CKS2: variants seen among roughly 807,000 people sequenced by gnomAD.
CKS2 encodes cyclin-dependent kinases regulatory subunit 2.
In CKS2, 4 loss-of-function variants were observed where a neutral mutation model predicts 14.3. The ratio of observed to expected loss-of-function variants is 0.28; its 90% confidence interval spans 0.14 to 0.64. The LOEUF (loss-of-function observed/expected upper bound fraction) is 0.64, where lower values mean the gene tolerates loss of function less well. Among genes scored for constraint, CKS2 ranks in the 30% least tolerant of loss-of-function variants. The pLI is 0.83. For missense variants in CKS2, 71 were observed against 94.3 expected (o/e 0.75, Z 1.02); for synonymous variants, 33 against 28.7 (o/e 1.15, Z -0.48).
intron 1 of CKS2, among the ~76,000 whole-genome samples, chr9:89,314,159 G>A (rs1418470250): frequency 6.6e-6 from 1 of 152,192 alleles, no homozygotes; most frequent in East Asian, 1.9e-4. Flanking sequence ...GTATAAAACT[G>A]TTGCTACTAC....
chr9:89,311,275 C>T lies in CKS2; in HGVS notation c.-18C>T. On this transcript the variant is annotated 5_prime_UTR_variant, in exon 1 of 3. Transcript: ENST00000314355. ...GCTCTTCGCGCTCTCGTTTCATTTT[C>T]TGCAGCGCGCCAGCAGGATGGCCCA... 1.2e-6 allele frequency: 2 copies of T among 1,608,932 alleles called. No individual in the cohort carries two copies. The highest frequency in any genetic ancestry group is 1.7e-6 in the Non-Finnish European group (2 of 1,177,536).
At chr9:89,316,324 A>G in intron 2 of CKS2, 49 bp from the exon 3 acceptor site, 1 of 1,156,058 alleles carries the variant, frequency 8.7e-7, no homozygotes, top group Non-Finnish European at 1.3e-6. Context: ...ATTTCTGTTG[A>G]GTATATGAAA....
chr9:89,311,418 G>A, intron 1 of CKS2, 67 bp downstream of exon 1: 4 of 1,310,652 alleles, frequency 3.1e-6, no homozygotes, highest in Admixed American at 2.3e-5. Flanking sequence ...GGGCGACCCA[G>A]GCATAGTAGG....
intron 2 of CKS2, among the ~76,000 whole-genome samples, chr9:89,315,738 T>A (rs1331482270): frequency 6.6e-6 from 1 of 152,130 alleles, no homozygotes; most frequent in African/African-American, 2.4e-5. Context: ...TCAACTGTGC[T>A]TATGGGTACC....
rs377660295 is a variant in CKS2 at position 89,313,080 on chromosome 9, A to T, written c.59+1729A>T. ...TCCAATAAAAATTAGAGCTGGTATT[A>T]ATTGGCCAAGCCAGTAACCTTTATG... is the stretch of plus-strand genomic sequence containing the variant. On this transcript the variant is annotated intron_variant, in intron 1 of 2. Transcript: ENST00000314355. 8.5e-5 allele frequency among the ~76,000 whole-genome samples: 13 copies of T among 152,340 alleles called. No homozygotes were observed. In the South Asian group the frequency reaches 2.7e-3, roughly 32 times the overall value.
rs1824727277 is a variant in CKS2 at position 89,316,689 on chromosome 9, T to A, written c.*264T>A. The A allele has an allele frequency of 5.9e-6, 2 of 341,722 alleles. No individual in the cohort carries two copies. Among genetic ancestry groups the A allele is most frequent in the Non-Finnish European group, 1.1e-5 (2 of 188,802 alleles). The allele number at this position is 341,722 out of a possible 1,614,324, so 21.2% of individuals were successfully genotyped here. On this transcript the variant is annotated 3_prime_UTR_variant, in exon 3 of 3. Transcript: ENST00000314355. ...CAGTTTACTTTTGTTCAATAAAGTT[T>A]GTATGTTGCATTTATCACTGTTTCA...
chr9:89,311,304 G>A lies in CKS2; in HGVS notation c.12G>A (p.Lys4=), dbSNP rs935594172. The change falls in exon 1 of 3, where the codon AAG becomes AAA. Residue 4 remains lysine, a synonymous_variant. Transcript: ENST00000314355. ...AGCGCGCCAGCAGGATGGCCCACAA[G>A]CAGATCTACTACTCGGACAAGTACT... MAH[K]QIYYSDKYFD... is the part of the protein sequence containing the mutation. 6.2e-7 allele frequency: 1 copy of A among 1,611,058 alleles called. No homozygotes were observed. The highest frequency in any genetic ancestry group is 8.5e-7 in the Non-Finnish European group (1 of 1,178,888).
intron 1 of CKS2, among the ~76,000 whole-genome samples, chr9:89,312,011 G>A (rs1369210054): frequency 6.6e-6 from 1 of 152,046 alleles, no homozygotes; most frequent in Non-Finnish European, 1.5e-5. Context: ...TACTGGGTAT[G>A]GTGATTTGGG....
chr9:89,315,078 A>G (rs1382237990), intron 1 of CKS2, 92 bp from the exon 2 acceptor site: 4 of 1,134,752 alleles, frequency 3.5e-6, no homozygotes, highest in East Asian at 5.3e-5. Context: ...GCAGTTCTCA[A>G]TATTAAAGCA....
intron 1 of CKS2, among the ~76,000 whole-genome samples, chr9:89,314,598 A>G (rs1231157104): frequency 6.6e-6 from 1 of 152,176 alleles, no homozygotes; most frequent in Non-Finnish European, 1.5e-5. Context: ...ACCCAAATTA[A>G]CTGTAACTTA....
chr9:89,315,112 A>G (rs1824683317), intron 1 of CKS2, 58 bp from the exon 2 acceptor site: 1 of 1,500,782 alleles, frequency 6.7e-7, no homozygotes, highest in Non-Finnish European at 9.0e-7. Context: ...AGGTACATGT[A>G]TAAAGCGACA....
rs1274575736 is a variant in CKS2 at position 89,313,448 on chromosome 9, A to G, written c.60-1722A>G. On this transcript the variant is annotated intron_variant, in intron 1 of 2. Transcript: ENST00000314355. ...CTTACAAATTAGTAATACTTGCACT[A>G]TTTTGCATTTCAACTGAAATAAACG... Among the ~76,000 whole-genome samples the G allele has an allele frequency of 2.0e-5, 3 of 152,234 alleles. No homozygotes were observed. In the East Asian group the frequency reaches 5.8e-4, roughly 29 times the overall value.
intron 1 of CKS2, among the ~76,000 whole-genome samples, chr9:89,311,703 C>G (rs748082355): frequency 6.6e-6 from 1 of 152,204 alleles, no homozygotes; most frequent in Non-Finnish European, 1.5e-5. Flanking sequence ...TTTTCTCGGC[C>G]GTGGCCGAAG....
chr9:89,315,318 G>A, intron 2 of CKS2, 21 bp downstream of exon 2: 1 of 1,517,036 alleles, frequency 6.6e-7, no homozygotes, highest in Non-Finnish European at 8.9e-7. Context: ...CTATGTTATA[G>A]TAAAGCAGTA....
rs1334968917 is a variant in CKS2 at position 89,316,664 on chromosome 9, C to A, written c.*239C>A. ...AAGTGCCTGTTTGAGTTTACTGAAA[C>A]AGTTTACTTTTGTTCAATAAAGTTT... On this transcript the variant is annotated 3_prime_UTR_variant, in exon 3 of 3. Coordinates refer to ENST00000314355, the MANE Select transcript of CKS2 (RefSeq NM_001827.3). 9 of 382,858 alleles carry A rather than the reference C, an allele frequency of 2.4e-5. No homozygotes were observed. Among genetic ancestry groups the A allele is most frequent in the African/African-American group, 1.9e-4 (9 of 48,306 alleles). 23.7% of individuals were successfully genotyped at this position (382,858 alleles called of 1,614,324 possible).
At chr9:89,311,961 A>AC (rs966502526) in intron 1 of CKS2, among the ~76,000 whole-genome samples, 5 of 151,058 alleles carry the variant, frequency 3.3e-5, no homozygotes, top group Non-Finnish European at 7.4e-5. Flanking sequence ...TTTGGAGGCG[A>AC]CCCCCCGAAA....
At chr9:89,316,034 C>G (rs1203733019) in intron 2 of CKS2, among the ~76,000 whole-genome samples, 3 of 152,238 alleles carry the variant, frequency 2.0e-5, no homozygotes, top group African/African-American at 7.2e-5. Flanking sequence ...ATACGTAATC[C>G]TATTAGAATT....
In CKS2 at chr9:89,315,317, A is replaced by G; in HGVS notation, c.187+20A>G. ...AGCCAGGTAAGCTATGCTATGTTAT[A>G]GTAAAGCAGTAATTGTTGAAATATT... On this transcript the variant is annotated intron_variant, in intron 2 of 2. Transcript: ENST00000314355. 6.6e-7 allele frequency: 1 copy of G among 1,519,504 alleles called. No individual in the cohort carries two copies. The highest frequency in any genetic ancestry group is 8.9e-7 in the Non-Finnish European group (1 of 1,128,778). The allele number at this position is 1,519,504 out of a possible 1,614,324, so 94.1% of individuals were successfully genotyped here. A position where few individuals can be genotyped will look rare whatever the true frequency, so the allele number is the denominator to read the frequency against.
At chr9:89,313,733 C>A (rs1010310185) in intron 1 of CKS2, among the ~76,000 whole-genome samples, 1 of 152,114 alleles carries the variant, frequency 6.6e-6, no homozygotes, top group Non-Finnish European at 1.5e-5. Flanking sequence ...TGAGAATAAT[C>A]AACAAGATAG....
Sources: gnomAD v4.1 joint callset for allele counts (sites outside exome capture counted in the v4.1 genomes callset) on GRCh38, gnomAD v4.1.1 for gene constraint, MANE v1.5 for transcripts, NCBI Gene and HGNC (gene_info 2026-07-23, HGNC 2026-07-21) for gene names.